Variants in GRID2 observed in about 807,000 individuals in gnomAD.
GRID2 encodes glutamate receptor ionotropic, delta-2.
Under a neutral mutation model 114.8 loss-of-function variants are expected in GRID2, and 33 were observed. That is an observed-to-expected ratio of 0.29 (90% CI 0.22 to 0.38). The LOEUF is 0.38. Ranked by LOEUF, GRID2 falls within the 10% of genes least tolerant of loss-of-function variation. GRID2 has a pLI of 1.00. For missense variants in GRID2, 1,184 were observed against 1,257.7 expected (o/e 0.94, Z 0.89); for synonymous variants, 505 against 449.9 (o/e 1.12, Z -1.55).
intron 2 of GRID2, among the ~76,000 whole-genome samples, chr4:92,717,851 C>T (rs1229767861): frequency 6.6e-6 from 1 of 152,116 alleles, no homozygotes; most frequent in African/African-American, 2.4e-5. Flanking sequence ...CAGAATTACA[C>T]TTGTTTTCCA....
intron 2 of GRID2, among the ~76,000 whole-genome samples, chr4:92,857,869 G>C (rs1003050766): frequency 1.3e-5 from 2 of 151,968 alleles, no homozygotes; most frequent in Admixed American, 6.6e-5. Flanking sequence ...TCTTGTTATG[G>C]GCTAATGAAG....
intron 8 of GRID2, among the ~76,000 whole-genome samples, chr4:93,361,965 T>C (rs1461345446): frequency 6.6e-6 from 1 of 152,096 alleles, no homozygotes; most frequent in Admixed American, 6.6e-5. Context: ...ATGCATTAGC[T>C]ATTTATCCCG....
chr4:93,411,125 CATAA>C (rs571050177), intron 9 of GRID2, among the ~76,000 whole-genome samples: 112 of 152,222 alleles, frequency 7.4e-4, no homozygotes, highest in African/African-American at 2.6e-3. Context: ...ACAGCAAAAT[CATAA>C]ATAATTCTTC....
At chr4:92,571,446 A>C (rs775169438) in intron 1 of GRID2, among the ~76,000 whole-genome samples, 90 of 152,140 alleles carry the variant, frequency 5.9e-4, no homozygotes, top group Middle Eastern at 6.8e-3. Context: ...AGACTTTAAC[A>C]CCCCACTGTC....
intron 2 of GRID2, among the ~76,000 whole-genome samples, chr4:92,640,726 T>G (rs1731300510): frequency 2.0e-5 from 3 of 151,898 alleles, no homozygotes; most frequent in African/African-American, 7.2e-5. Context: ...CAGCACTTTT[T>G]GAATCTAAGT....
At chr4:93,525,331 G>C (rs934833452) in intron 13 of GRID2, among the ~76,000 whole-genome samples, 1 of 152,122 alleles carries the variant, frequency 6.6e-6, no homozygotes, top group African/African-American at 2.4e-5. Flanking sequence ...ATGAAGGTGA[G>C]CAGAGCATAG....
rs571252719 is a variant in GRID2, at chr4:92,651,307, C to G, written c.244+61021C>G. Among the ~76,000 whole-genome samples, 557 of 152,136 alleles carry G rather than the reference C, an allele frequency of 3.7e-3. 5 individuals carry two copies. Among genetic ancestry groups the G allele is most frequent in the African/African-American group, 0.013 (536 of 41,552 alleles). On this transcript the variant is annotated intron_variant, in intron 2 of 15. Transcript: ENST00000282020. ...GCCACATCAGGGACTCAGTGTGGGT[C>G]TCTGCTGCTGGCAGATTGCGTATAC...
chr4:93,709,091 C>A (rs1728262159), intron 14 of GRID2, among the ~76,000 whole-genome samples: 1 of 152,032 alleles, frequency 6.6e-6, no homozygotes, highest in Admixed American at 6.6e-5. Flanking sequence ...ACAGATTCAT[C>A]TTTCATCTTT....
At chr4:93,036,517 T>G (rs1410104467) in intron 2 of GRID2, among the ~76,000 whole-genome samples, 4 of 152,142 alleles carry the variant, frequency 2.6e-5, no homozygotes, top group Admixed American at 2.6e-4. Context: ...ATCAAAATAA[T>G]TTAAAATATA....
chr4:93,795,472 T>C (rs1734778600), intron 1 of GRID2, among the ~76,000 whole-genome samples: 1 of 152,078 alleles, frequency 6.6e-6, no homozygotes, highest in African/African-American at 2.4e-5. Flanking sequence ...AAGGCAGTAG[T>C]GTATATTTTG....
chr4:92,513,921 C>G (rs1467496249), intron 1 of GRID2, among the ~76,000 whole-genome samples: 2 of 151,866 alleles, frequency 1.3e-5, no homozygotes, highest in Non-Finnish European at 2.9e-5. Context: ...TTACCAGTTT[C>G]TTCAGGATTT....
intron 13 of GRID2, among the ~76,000 whole-genome samples, chr4:93,625,354 A>G (rs1047648156): frequency 9.2e-5 from 14 of 152,206 alleles, no homozygotes; most frequent in African/African-American, 3.1e-4. Flanking sequence ...TGTTCTCTCA[A>G]TCCAAATGAC....
chr4:92,460,304 A>T (rs1182441609), intron 1 of GRID2, among the ~76,000 whole-genome samples: 1 of 151,844 alleles, frequency 6.6e-6, no homozygotes, highest in Non-Finnish European at 1.5e-5. Context: ...TGGTGTAAAC[A>T]AGTATGCTAG....
intron 8 of GRID2, among the ~76,000 whole-genome samples, chr4:93,377,296 CTT>C (rs1232832204): frequency 6.6e-6 from 1 of 151,952 alleles, no homozygotes; most frequent in Non-Finnish European, 1.5e-5. Flanking sequence ...GTATTTTAAA[CTT>C]TGTAAATGTT....
intron 2 of GRID2, among the ~76,000 whole-genome samples, chr4:92,713,074 C>T (rs1386585222): frequency 6.6e-6 from 1 of 151,384 alleles, no homozygotes; most frequent in African/African-American, 2.4e-5. Flanking sequence ...TATACATGTG[C>T]CATGTTGGTG....
intron 14 of GRID2, among the ~76,000 whole-genome samples, chr4:93,684,911 T>G (rs1382240639): frequency 6.6e-6 from 1 of 151,956 alleles, no homozygotes; most frequent in Non-Finnish European, 1.5e-5. Context: ...AGAAATAGAT[T>G]TAAAATCTGT....
chr4:92,430,975 ATTTG>A (rs1732411739), intron 1 of GRID2, among the ~76,000 whole-genome samples: 1 of 152,058 alleles, frequency 6.6e-6, no homozygotes. Context: ...ACTTTACTGA[ATTTG>A]TTTATCAGTT....
chr4:92,513,901 T>C (rs945071291), intron 1 of GRID2, among the ~76,000 whole-genome samples: 16 of 151,668 alleles, frequency 1.1e-4, no homozygotes, highest in African/African-American at 3.9e-4. Context: ...AAGCATAGCA[T>C]AGAACTTGGT....
chr4:93,150,899 G>A (rs1375103441), intron 4 of GRID2, among the ~76,000 whole-genome samples: 1 of 151,898 alleles, frequency 6.6e-6, no homozygotes, highest in South Asian at 2.1e-4. Context: ...GGCTGAGGTG[G>A]GAGGATCACT....
Sources: gnomAD v4.1 joint callset for allele counts (sites outside exome capture counted in the v4.1 genomes callset) on GRCh38, gnomAD v4.1.1 for gene constraint, MANE v1.5 for transcripts, NCBI Gene and HGNC (gene_info 2026-07-23, HGNC 2026-07-21) for gene names.